The following TG variants were observed in gnomAD, a reference collection of about 807,000 sequenced individuals.
TG encodes thyroglobulin, also known as thyroid hormones.
In TG, 270 loss-of-function variants were observed where a neutral mutation model predicts 324.7. The observed-to-expected ratio is 0.83, with a 90% confidence interval of 0.75 to 0.92. The LOEUF (loss-of-function observed/expected upper bound fraction) is 0.92. Among genes scored for constraint, TG ranks in the 40% least tolerant of loss-of-function variants. The pLI, the probability that TG is intolerant of heterozygous loss-of-function variation, is 0.00. For synonymous variants in TG, 1,401 were observed against 1,327.0 expected (o/e 1.06, Z -1.21); for missense variants, 3,591 against 3,456.4 (o/e 1.04, Z -0.98).
intron 26 of TG, among the ~76,000 whole-genome samples, chr8:132,944,081 T>C (rs1824864611): frequency 6.6e-6 from 1 of 152,148 alleles, no homozygotes; most frequent in African/African-American, 2.4e-5. Context: ...AATGAATGGA[T>C]AGTTTTTACC....
chr8:133,030,644 C>A (rs1836550323), intron 41 of TG, among the ~76,000 whole-genome samples: 1 of 152,238 alleles, frequency 6.6e-6, no homozygotes, highest in East Asian at 1.9e-4. Context: ...TAACCCAGTT[C>A]TTAGGAAGCT....
intron 15 of TG, among the ~76,000 whole-genome samples, chr8:132,901,050 A>G (rs1437454836): frequency 6.6e-6 from 1 of 152,138 alleles, no homozygotes; most frequent in Non-Finnish European, 1.5e-5. Flanking sequence ...GTAGGCTCCT[A>G]CACTGCACTA....
chr8:132,928,960 G>C, intron 22 of TG, 116 bp from the exon 23 acceptor site: 1 of 832,548 alleles, frequency 1.2e-6, no homozygotes, highest in Non-Finnish European at 2.1e-6. Context: ...TGGGACATTT[G>C]TGTTACCAAG....
chr8:133,109,454 G>A (rs921233646), intron 43 of TG, among the ~76,000 whole-genome samples: 1 of 152,212 alleles, frequency 6.6e-6, no homozygotes, highest in Non-Finnish European at 1.5e-5. Flanking sequence ...GAGAACATTT[G>A]GTGTTGAGGA....
In TG at chr8:133,006,298, C is replaced by A. The variant is rs533755025; in HGVS notation, c.6263-5603C>A. On this transcript the variant is annotated intron_variant, in intron 35 of 47. Transcript: ENST00000220616. ...AAACCAAAAAGGATATCTTAGAGACCACAGTCATTTTCAAACTTGGACGTG... is the reference window on the plus strand; with the variant it reads ...AAACCAAAAAGGATATCTTAGAGACAACAGTCATTTTCAAACTTGGACGTG... Among the ~76,000 whole-genome samples the A allele has an allele frequency of 3.9e-5, 6 of 152,292 alleles. 1 individual carries two copies. The highest frequency in any genetic ancestry group is 3.4e-3 in the Middle Eastern group (1 of 294).
intron 20 of TG, 46 bp downstream of exon 20, chr8:132,913,311 G>T: frequency 1.3e-6 from 2 of 1,599,780 alleles, no homozygotes; most frequent in Non-Finnish European, 1.7e-6. Context: ...GCCATGTGAG[G>T]CTTTAGGAAA....
At chr8:133,042,678 C>CTTTTTTTTTTTTTTTTTTTTTTTTTTTT (rs58739514) in intron 41 of TG, among the ~76,000 whole-genome samples, 1 of 56,768 alleles carries the variant, frequency 1.8e-5, no homozygotes, top group African/African-American at 6.9e-5. Flanking sequence ...CATTCTGTGT[C>CTTTTTTTTTTTTTTTTTTTTTTTTTTTT]TTTTTTTTTT....
At chr8:133,046,090 C>A (rs945865241) in intron 41 of TG, among the ~76,000 whole-genome samples, 1 of 152,096 alleles carries the variant, frequency 6.6e-6, no homozygotes, top group Non-Finnish European at 1.5e-5. Flanking sequence ...AGAGTAGAAC[C>A]GCAGCCATGT....
At chr8:133,082,906 G>T (rs995034552) in intron 41 of TG, among the ~76,000 whole-genome samples, 1 of 152,090 alleles carries the variant, frequency 6.6e-6, no homozygotes, top group African/African-American at 2.4e-5. Flanking sequence ...AACTAGCCTC[G>T]ATGTAATTTA....
intron 47 of TG, 116 bp from the exon 48 acceptor site, chr8:133,134,560 G>C: frequency 2.1e-6 from 2 of 947,512 alleles, no homozygotes; most frequent in Non-Finnish European, 3.5e-6. Context: ...CCCTCTAAAG[G>C]GCATTAGCAA....
At chr8:132,985,510 C>T (rs1831402751) in intron 35 of TG, among the ~76,000 whole-genome samples, 1 of 152,140 alleles carries the variant, frequency 6.6e-6, no homozygotes, top group Admixed American at 6.5e-5. Flanking sequence ...CAATTTTCCT[C>T]CTTTATCAAC....
intron 40 of TG, among the ~76,000 whole-genome samples, chr8:133,023,278 TATGTAG>T (rs1835717522): frequency 6.6e-6 from 1 of 152,042 alleles, no homozygotes; most frequent in African/African-American, 2.4e-5. Flanking sequence ...ACCAGATGTC[TATGTAG>T]ATGAGGATGA....
chr8:133,046,739 C>T (rs564324838), intron 41 of TG, among the ~76,000 whole-genome samples: 148 of 152,266 alleles, frequency 9.7e-4, no homozygotes, highest in African/African-American at 3.4e-3. Flanking sequence ...GGATGTTTTG[C>T]TTTTGCATTG....
intron 12 of TG, 99 bp from the exon 13 acceptor site, chr8:132,898,070 T>G: frequency 8.3e-7 from 1 of 1,211,460 alleles, no homozygotes; most frequent in African/African-American, 1.5e-5. Context: ...GCGACCAGGC[T>G]TGCACTGCTA....
chr8:133,092,756 C>T (rs7818576), intron 41 of TG, among the ~76,000 whole-genome samples: 11 of 152,124 alleles, frequency 7.2e-5, no homozygotes, highest in Admixed American at 2.6e-4. Flanking sequence ...CTCCTGCCCC[C>T]GAGTGCTTTG....
At chr8:132,879,905 G>A (rs186802465) in intron 5 of TG, among the ~76,000 whole-genome samples, 14 of 152,364 alleles carry the variant, frequency 9.2e-5, no homozygotes, top group Admixed American at 5.2e-4. Flanking sequence ...CATGAGCCAG[G>A]ATGTTGAGGT....
intron 41 of TG, among the ~76,000 whole-genome samples, chr8:133,077,741 G>A (rs1171920390): frequency 1.4e-5 from 2 of 147,752 alleles, no homozygotes; most frequent in Non-Finnish European, 3.0e-5. Context: ...GTGTATGTGT[G>A]TGTGTGTGTG....
At chr8:133,016,693 A>T (rs1028755299) in intron 37 of TG, among the ~76,000 whole-genome samples, 1 of 152,228 alleles carries the variant, frequency 6.6e-6, no homozygotes, top group African/African-American at 2.4e-5. Context: ...CACTTGAAGT[A>T]TCTCTCCATG....
intron 40 of TG, among the ~76,000 whole-genome samples, chr8:133,022,721 A>C (rs1835673425): frequency 6.6e-6 from 1 of 152,192 alleles, no homozygotes; most frequent in Admixed American, 6.5e-5. Flanking sequence ...CTAGGGCTGA[A>C]GTGAGCCCTG....
Sources: gnomAD v4.1 joint callset for allele counts (sites outside exome capture counted in the v4.1 genomes callset) on GRCh38, gnomAD v4.1.1 for gene constraint, MANE v1.5 for transcripts, NCBI Gene and HGNC (gene_info 2026-07-23, HGNC 2026-07-21) for gene names.